LHFPL6: variants seen among roughly 807,000 people sequenced by gnomAD.
LHFPL6 encodes the protein LHFPL tetraspan subfamily member 6.
Under a neutral mutation model 20.6 loss-of-function variants are expected in LHFPL6, and 9 were observed. The observed-to-expected ratio is 0.44, with a 90% CI of 0.26 to 0.76. LHFPL6 has a LOEUF of 0.76. Ranked by LOEUF, LHFPL6 falls within the 30% of genes least tolerant of loss-of-function variation. The pLI is 0.20. For missense variants in LHFPL6, 218 were observed against 253.5 expected, an observed-to-expected ratio of 0.86 and a Z score of 0.95; for synonymous variants, 105 against 98.7, an observed-to-expected ratio of 1.06 and a Z score of -0.38.
intron 2 of LHFPL6, among the ~76,000 whole-genome samples, chr13:39,444,221 ATACT>A (rs1487882888): frequency 1.3e-5 from 2 of 152,216 alleles, no homozygotes; most frequent in South Asian, 2.1e-4. Flanking sequence ...CTTCTTTTAG[ATACT>A]TACAGTAAAA....
At chr13:39,348,818 T>TC (rs1441861768) in intron 3 of LHFPL6, among the ~76,000 whole-genome samples, 1 of 152,178 alleles carries the variant, frequency 6.6e-6, no homozygotes, top group East Asian at 1.9e-4. Context: ...CACACTACCC[T>TC]CTTCCTAGGG....
Position 39,344,024 on chromosome 13 carries a change from C to T in LHFPL6, c.515G>A (p.Cys172Tyr). 2 of 1,613,482 alleles carry T rather than the reference C, an allele frequency of 1.2e-6. No individual in the cohort carries two copies. Among genetic ancestry groups the T allele is most frequent in the Non-Finnish European group, 1.7e-6 (2 of 1,179,770 alleles). Residue 172 changes from cysteine to tyrosine, a missense_variant, in exon 4 of 4, where the codon TGC becomes TAC. By Grantham distance (194) the Cys-to-Tyr change is radical. Transcript: ENST00000379589. ...GGCGGCAGTGGCACCTGCTCCCGTGCAGTAGTAGGCCCAGCCGATTTCACA... is the reference window on the plus strand; with the variant it reads ...GGCGGCAGTGGCACCTGCTCCCGTGTAGTAGTAGGCCCAGCCGATTTCACA... The part of the protein sequence containing the change: ...GKCEIGWAYY[C>Y]TGAGATAAML...
At chr13:39,530,353 C>T (rs1038903139) in intron 2 of LHFPL6, among the ~76,000 whole-genome samples, 12 of 151,326 alleles carry the variant, frequency 7.9e-5, no homozygotes, top group Non-Finnish European at 1.6e-4. Context: ...AAACAGAGTG[C>T]GGAGGGGAGT....
chr13:39,472,890 C>A (rs1434681817), intron 2 of LHFPL6, among the ~76,000 whole-genome samples: 1 of 152,188 alleles, frequency 6.6e-6, no homozygotes, highest in African/African-American at 2.4e-5. Context: ...GGATTACAGG[C>A]GTGAGCCACC....
intron 2 of LHFPL6, among the ~76,000 whole-genome samples, chr13:39,465,563 C>T (rs1872783148): frequency 6.6e-6 from 1 of 152,136 alleles, no homozygotes; most frequent in South Asian, 2.1e-4. Context: ...TGCCGGGCAC[C>T]CAATTCCTAG....
intron 2 of LHFPL6, among the ~76,000 whole-genome samples, chr13:39,518,737 A>G (rs1194932157): frequency 6.6e-6 from 1 of 152,170 alleles, no homozygotes; most frequent in Non-Finnish European, 1.5e-5. Context: ...TGAAAAATGC[A>G]GACACTCAGG....
rs373058215 is a variant in LHFPL6, at chr13:39,601,008, C to T, written c.209G>A (p.Arg70His). Residue 70 changes from arginine to histidine, a missense_variant, in exon 2 of 4, where the codon CGC (arginine) becomes CAC (histidine). Coordinates refer to ENST00000379589, the MANE Select transcript of LHFPL6 (RefSeq NM_005780.3). ...GGGGATGCCCTGGAAGGAGGCATAG[C>T]GCCCACATTCCTCCACCATCACCAT... ...QMMVMVEECG[R>H]YASFQGIPSA... 32 of 1,613,900 alleles carry T rather than the reference C, an allele frequency of 2.0e-5. No individual in the cohort carries two copies. Among genetic ancestry groups the T allele is most frequent in the African/African-American group, 8.0e-5 (6 of 74,918 alleles).
chr13:39,565,910 A>G (rs1871699187), intron 2 of LHFPL6, among the ~76,000 whole-genome samples: 2 of 152,250 alleles, frequency 1.3e-5, no homozygotes, highest in Admixed American at 1.3e-4. Flanking sequence ...AGAAATAACA[A>G]CAGGAAGAAA....
intron 3 of LHFPL6, among the ~76,000 whole-genome samples, chr13:39,358,045 A>T (rs556693699): frequency 1.5e-3 from 235 of 152,286 alleles, no homozygotes; most frequent in African/African-American, 5.4e-3. Context: ...TAGAAAAAAA[A>T]TTCTAAAATT....
At chr13:39,424,055 A>T (rs1871572950) in intron 2 of LHFPL6, among the ~76,000 whole-genome samples, 2 of 152,232 alleles carry the variant, frequency 1.3e-5, no homozygotes, top group South Asian at 4.1e-4. Flanking sequence ...ATGAGCCAGC[A>T]TATGTATTAT....
intron 2 of LHFPL6, among the ~76,000 whole-genome samples, chr13:39,532,675 G>C (rs1191682106): frequency 6.6e-6 from 1 of 152,096 alleles, no homozygotes; most frequent in Admixed American, 6.6e-5. Context: ...AATAGAGACA[G>C]AATGTTTTCT....
intron 2 of LHFPL6, among the ~76,000 whole-genome samples, chr13:39,505,866 T>C (rs1255595374): frequency 6.6e-6 from 1 of 152,236 alleles, no homozygotes; most frequent in Non-Finnish European, 1.5e-5. Flanking sequence ...TTTGTCTATA[T>C]TACAAATGAA....
At chr13:39,477,409 A>T (rs1216354949) in intron 2 of LHFPL6, among the ~76,000 whole-genome samples, 1 of 152,142 alleles carries the variant, frequency 6.6e-6, no homozygotes. Flanking sequence ...CATCTCTACC[A>T]CAAGAATTAT....
chr13:39,422,836 A>G (rs1871532084), intron 2 of LHFPL6, among the ~76,000 whole-genome samples: 1 of 152,090 alleles, frequency 6.6e-6, no homozygotes, highest in African/African-American at 2.4e-5. Context: ...GGTTTAATTA[A>G]CTCACAGTTC....
At chr13:39,412,153 A>G (rs1412184901) in intron 2 of LHFPL6, among the ~76,000 whole-genome samples, 2 of 152,224 alleles carry the variant, frequency 1.3e-5, no homozygotes, top group Non-Finnish European at 2.9e-5. Flanking sequence ...TCTATTTATT[A>G]CCATGGTCCC....
chr13:39,421,215 A>G (rs1300576171), intron 2 of LHFPL6, among the ~76,000 whole-genome samples: 2 of 152,216 alleles, frequency 1.3e-5, no homozygotes, highest in African/African-American at 4.8e-5. Flanking sequence ...TAAAACTCCA[A>G]AATTCACCAA....
intron 3 of LHFPL6, among the ~76,000 whole-genome samples, chr13:39,358,502 G>A (rs1369118180): frequency 6.6e-6 from 1 of 151,932 alleles, no homozygotes; most frequent in East Asian, 1.9e-4. Flanking sequence ...TTGTGGCTAA[G>A]TCCTCAAAAA....
At chr13:39,390,317 A>T (rs1870672153) in intron 2 of LHFPL6, among the ~76,000 whole-genome samples, 1 of 151,976 alleles carries the variant, frequency 6.6e-6, no homozygotes, top group African/African-American at 2.4e-5. Flanking sequence ...GCAACACAGC[A>T]AGACTCCTTC....
chr13:39,506,076 A>G (rs1869468287), intron 2 of LHFPL6, among the ~76,000 whole-genome samples: 1 of 152,176 alleles, frequency 6.6e-6, no homozygotes, highest in African/African-American at 2.4e-5. Context: ...ATCTCTTTTT[A>G]CAGACAAAAC....
Sources: gnomAD v4.1 joint callset for allele counts (sites outside exome capture counted in the v4.1 genomes callset) on GRCh38, gnomAD v4.1.1 for gene constraint, MANE v1.5 for transcripts, NCBI Gene and HGNC (gene_info 2026-07-23, HGNC 2026-07-21) for gene names.